The following FAM83B variants were observed in gnomAD, a reference collection of about 807,000 sequenced individuals.
The protein encoded by FAM83B is protein FAM83B.
In FAM83B, 26 loss-of-function variants were observed where a neutral mutation model predicts 38.8. That is an observed-to-expected ratio of 0.67 (90% CI 0.49 to 0.93). The LOEUF (loss-of-function observed/expected upper bound fraction) is 0.93. Among genes scored for constraint, FAM83B ranks in the 40% least tolerant of loss-of-function variants. The probability of loss-of-function intolerance (pLI) is 0.00; values close to 1 mark genes in which losing one functional copy is unlikely to be tolerated. For missense variants in FAM83B, 1,237 were observed against 1,197.3 expected, an observed-to-expected ratio of 1.03 and a Z score of -0.49; for synonymous variants, 419 against 423.1, an observed-to-expected ratio of 0.99 and a Z score of 0.12.
chr6:54,876,327 G>GC (rs762709519), intron 2 of FAM83B, among the ~76,000 whole-genome samples: 1,537 of 86,824 alleles, frequency 0.018, 32 homozygotes, highest in African/African-American at 0.064. Context: ...ATATGTTTTT[G>GC]TTTTTTTTTT....
At chr6:54,926,755 C>T (rs569141270) in intron 3 of FAM83B, among the ~76,000 whole-genome samples, 33 of 152,200 alleles carry the variant, frequency 2.2e-4, no homozygotes, top group Non-Finnish European at 3.7e-4. Context: ...GTTTTTGAGA[C>T]GGAGTCTTGC....
chr6:54,939,306 A>G (rs1337932758), intron 4 of FAM83B, among the ~76,000 whole-genome samples: 1 of 151,878 alleles, frequency 6.6e-6, no homozygotes, highest in African/African-American at 2.4e-5. Context: ...ATGCCTCTAG[A>G]TTTGTTCTTT....
chr6:54,943,459 T>C lies in FAM83B; in HGVS notation c.*1452T>C, dbSNP rs185902926. ...TGAAGTGTTTGTACATCACTTTAAA[T>C]ATATTACTTAATATATTCTAAGTTG... On this transcript the variant is annotated 3_prime_UTR_variant, in exon 5 of 5. Transcript: ENST00000306858. The C allele has an allele frequency of 3.3e-5, 5 of 152,332 alleles. No homozygotes were observed. In the East Asian group the frequency reaches 9.7e-4, roughly 29 times the overall value. The allele number at this position is 152,332 out of a possible 1,614,324, so 9.4% of individuals were successfully genotyped here. A position where few individuals can be genotyped will look rare whatever the true frequency, so the allele number is the denominator to read the frequency against.
Position 54,868,499 on chromosome 6 carries a change from G to A in FAM83B, c.-60-1688G>A, listed in dbSNP as rs140890361. 7.1e-3 allele frequency among the ~76,000 whole-genome samples: 1,074 copies of A among 152,272 alleles called. 12 individuals are homozygous for A. Among genetic ancestry groups the A allele is most frequent in the African/African-American group, 0.025 (1,041 of 41,560 alleles). ...GGATGTATCCCAATACATGTCAATAGATTAATTTTAATTAAGTAACAAAAG... is the reference window on the plus strand; with the variant it reads ...GGATGTATCCCAATACATGTCAATAAATTAATTTTAATTAAGTAACAAAAG... On this transcript the variant is annotated intron_variant, in intron 1 of 4. Coordinates refer to ENST00000306858, the MANE Select transcript of FAM83B (RefSeq NM_001010872.3).
intron 1 of FAM83B, among the ~76,000 whole-genome samples, chr6:54,848,527 T>G (rs1045865290): frequency 2.6e-5 from 4 of 152,196 alleles, no homozygotes; most frequent in African/African-American, 9.7e-5. Context: ...TGCCCTTGAG[T>G]TTATGACGCT....
chr6:54,929,476 G>T (rs1773376804), intron 4 of FAM83B, among the ~76,000 whole-genome samples: 1 of 152,102 alleles, frequency 6.6e-6, no homozygotes, highest in Non-Finnish European at 1.5e-5. Context: ...ATTTTATCAG[G>T]AAAACATGAG....
rs1049777485 is a variant in FAM83B at position 54,927,728 on chromosome 6, T to TAAA, written c.734+120_734+122dup. 1.0e-3 allele frequency: 104 copies of TAAA among 99,140 alleles called. 6 individuals are homozygous for TAAA. The highest frequency in any genetic ancestry group is 4.9e-3 in the African/African-American group (81 of 16,528). 6.1% of individuals were successfully genotyped at this position (99,140 alleles called of 1,614,324 possible). ...AATCAGTTAAGCTTTTTCTTAAAAG[T>TAAA]AAAAAAAAAAAAAAAAAAAAAAAAA... On this transcript the variant is annotated intron_variant, in intron 4 of 4. Transcript: ENST00000306858.
chr6:54,910,177 G>A (rs1394267056), intron 2 of FAM83B, among the ~76,000 whole-genome samples: 1 of 152,104 alleles, frequency 6.6e-6, no homozygotes, highest in African/African-American at 2.4e-5. Flanking sequence ...ATAGATGGCT[G>A]GAACTCAGCG....
At chr6:54,906,890 C>A (rs1382083203) in intron 2 of FAM83B, among the ~76,000 whole-genome samples, 1 of 152,104 alleles carries the variant, frequency 6.6e-6, no homozygotes, top group East Asian at 1.9e-4. Flanking sequence ...ACAGATACAG[C>A]AGGTATTATA....
Position 54,941,895 on chromosome 6 carries a change from C to T in FAM83B, c.2924C>T (p.Ser975Phe). The T allele has an allele frequency of 1.9e-6, 3 of 1,613,572 alleles. No homozygotes were observed. Among genetic ancestry groups the T allele is most frequent in the Non-Finnish European group, 2.5e-6 (3 of 1,179,926 alleles). Reference sequence around the variant, plus strand: ...ACTATGGGCAACAGTTATGGCAGGTCTAGTCCATTGCTTAATTACAACACT... The same window carrying T: ...ACTATGGGCAACAGTTATGGCAGGTTTAGTCCATTGCTTAATTACAACACT... Reference protein sequence around the residue: ...SATMGNSYGRSSPLLNYNTGV... With the variant: ...SATMGNSYGRFSPLLNYNTGV... The change falls in exon 5 of 5, where the codon TCT (serine) becomes TTT (phenylalanine). Residue 975 changes from serine (S) to phenylalanine (F), a missense_variant. Coordinates refer to ENST00000306858, the MANE Select transcript of FAM83B (RefSeq NM_001010872.3).
At chr6:54,880,743 G>A (rs1328561117) in intron 2 of FAM83B, among the ~76,000 whole-genome samples, 6 of 151,986 alleles carry the variant, frequency 3.9e-5, no homozygotes, top group South Asian at 2.1e-4. Context: ...GCGCCCAGTC[G>A]AAGGTTTATT....
chr6:54,884,551 T>C (rs1391524611), intron 2 of FAM83B, among the ~76,000 whole-genome samples: 1 of 151,906 alleles, frequency 6.6e-6, no homozygotes. Flanking sequence ...AATTGACCTC[T>C]AGATGTTTTA....
intron 1 of FAM83B, among the ~76,000 whole-genome samples, chr6:54,853,491 C>G (rs1229714108): frequency 1.3e-5 from 2 of 152,038 alleles, no homozygotes; most frequent in African/African-American, 4.8e-5. Flanking sequence ...TGCTCATTTA[C>G]CATCCCAGAA....
intron 2 of FAM83B, among the ~76,000 whole-genome samples, chr6:54,914,101 A>G (rs1391878578): frequency 6.6e-6 from 1 of 152,068 alleles, no homozygotes; most frequent in African/African-American, 2.4e-5. Context: ...TCTCTTAGTA[A>G]TCTTTTAATC....
At chr6:54,906,933 C>T (rs780573677) in intron 2 of FAM83B, among the ~76,000 whole-genome samples, 1 of 151,892 alleles carries the variant, frequency 6.6e-6, no homozygotes, top group African/African-American at 2.4e-5. Flanking sequence ...ATTTGTGAAC[C>T]CTTTTGGTTA....
chr6:54,940,924 A>G lies in FAM83B; in HGVS notation c.1953A>G (p.Leu651=), dbSNP rs147796871. The change falls in exon 5 of 5, where the codon CTA becomes CTG. Residue 651 remains leucine (L), a synonymous_variant. Coordinates refer to ENST00000306858, the MANE Select transcript of FAM83B (RefSeq NM_001010872.3). ...TLGVNKQTEN[L]KNQQTENLLK... ...GTGTAAATAAGCAGACAGAAAATCT[A>G]AAGAATCAACAGACTGAGAATCTAC... The G allele has an allele frequency of 1.7e-4, 268 of 1,613,176 alleles. No homozygotes were observed. Among genetic ancestry groups the G allele is most frequent in the Admixed American group, 2.3e-4 (14 of 59,758 alleles).
In FAM83B at chr6:54,936,247, G is replaced by C. The variant is rs192478000; in HGVS notation, c.735-3459G>C. Among the ~76,000 whole-genome samples the C allele has an allele frequency of 1.5e-3, 226 of 152,198 alleles. 4 individuals are homozygous for C. Among genetic ancestry groups the C allele is most frequent in the African/African-American group, 5.2e-3 (216 of 41,560 alleles). On this transcript the variant is annotated intron_variant, in intron 4 of 4. Transcript: ENST00000306858. Reference sequence around the variant, plus strand: ...TTATTTTCTGATTTACTATAGCAGGGAAACTTTTCCAATTGCCACACATTC... The same window carrying C: ...TTATTTTCTGATTTACTATAGCAGGCAAACTTTTCCAATTGCCACACATTC...
chr6:54,875,887 C>T (rs1015687005), intron 2 of FAM83B, among the ~76,000 whole-genome samples: 3 of 152,074 alleles, frequency 2.0e-5, no homozygotes, highest in East Asian at 1.9e-4. Context: ...TTAACAAACT[C>T]GTGGTGCTAT....
chr6:54,861,912 C>T (rs935739371), intron 1 of FAM83B, among the ~76,000 whole-genome samples: 6 of 152,084 alleles, frequency 3.9e-5, no homozygotes, highest in African/African-American at 9.7e-5. Context: ...ACCTACAAGC[C>T]GGAGTGTTTC....
Sources: allele counts gnomAD v4.1 joint callset (sites outside exome capture counted in the v4.1 genomes callset), GRCh38; gene constraint gnomAD v4.1.1; transcripts MANE v1.5; gene names NCBI Gene and HGNC (gene_info 2026-07-23, HGNC 2026-07-21).